Variants in TMEM220 observed in about 807,000 individuals in gnomAD.
TMEM220 encodes transmembrane protein 220.
TMEM220 carries 21 observed loss-of-function variants against 21.7 expected under a neutral mutation model. That is an observed-to-expected ratio of 0.97 (90% CI 0.69 to 1.39). The LOEUF (loss-of-function observed/expected upper bound fraction) is 1.39. Ranked by LOEUF, TMEM220 falls within the 40% of genes most tolerant of loss-of-function variation. The probability of loss-of-function intolerance (pLI) is 0.00; values close to 1 mark genes in which losing one functional copy is unlikely to be tolerated. For synonymous variants in TMEM220, 80 were observed against 73.6 expected (o/e 1.09, Z -0.45); for missense variants, 191 against 201.9 (o/e 0.95, Z 0.33).
chr17:10,718,573 T>G (rs181000885), intron 5 of TMEM220, among the ~76,000 whole-genome samples: 521 of 152,326 alleles, frequency 3.4e-3, no homozygotes, highest in African/African-American at 0.012. Context: ...TGTACTTATG[T>G]CTATATGTTT....
At chr17:10,729,344 A>AC in intron 1 of TMEM220, among the ~76,000 whole-genome samples, 1 of 152,034 alleles carries the variant, frequency 6.6e-6, no homozygotes, top group South Asian at 2.1e-4. Context: ...AGGGCCCTCC[A>AC]CCCCCACCAG....
Position 10,713,888 on chromosome 17 carries a change from A to G in TMEM220, c.*1565T>C, listed in dbSNP as rs1262850040. The G allele has an allele frequency of 6.6e-6, 1 of 152,146 alleles. No homozygotes were observed. Among genetic ancestry groups the G allele is most frequent in the African/African-American group, 2.4e-5 (1 of 41,420 alleles). The allele number at this position is 152,146 out of a possible 1,614,324, so 9.4% of individuals were successfully genotyped here. On this transcript the variant is annotated 3_prime_UTR_variant, in exon 6 of 6. Coordinates refer to ENST00000341871, the MANE Select transcript of TMEM220 (RefSeq NM_001004313.3). Reference sequence around the variant, plus strand: ...TAGACAAACTACCAGACTCATTTACACTCTCCTAACCTGTGGAAGGCACTA... The same window carrying G: ...TAGACAAACTACCAGACTCATTTACGCTCTCCTAACCTGTGGAAGGCACTA...
chr17:10,727,193 T>TA (rs2075058449), intron 2 of TMEM220, among the ~76,000 whole-genome samples: 1 of 151,258 alleles, frequency 6.6e-6, no homozygotes, highest in South Asian at 2.1e-4. Flanking sequence ...TTTTTGGAGA[T>TA]GGGGGGGGTC....
intron 4 of TMEM220, among the ~76,000 whole-genome samples, chr17:10,724,027 T>C (rs2151478144): frequency 6.6e-6 from 1 of 152,306 alleles, no homozygotes; most frequent in South Asian, 2.1e-4. Context: ...ACCCAACCTA[T>C]AGTTTGGCTC....
chr17:10,711,837 C>T (rs182343578), downstream of TMEM220, among the ~76,000 whole-genome samples: 10 of 152,298 alleles, frequency 6.6e-5, no homozygotes, highest in East Asian at 3.9e-4. Flanking sequence ...TGTTTAACAC[C>T]GTTTTCATAT....
intron 5 of TMEM220, among the ~76,000 whole-genome samples, chr17:10,720,193 G>A (rs1423999437): frequency 1.3e-5 from 2 of 152,122 alleles, no homozygotes; most frequent in African/African-American, 4.8e-5. Flanking sequence ...CTTTGACCCA[G>A]TAGTCTCACT....
chr17:10,715,264 A>G lies in TMEM220; in HGVS notation c.*189T>C, dbSNP rs1328264488. The G allele has an allele frequency of 2.1e-6, 1 of 486,360 alleles. No homozygotes were observed. The allele number at this position is 486,360 out of a possible 1,614,324, so 30.1% of individuals were successfully genotyped here. On this transcript the variant is annotated 3_prime_UTR_variant, in exon 6 of 6. Transcript: ENST00000341871. ...CAAGACCCTGCAGAAAGTCGTCTGG[A>G]AAATATCAGACCATCTCTTACTTGT...
intron 5 of TMEM220, among the ~76,000 whole-genome samples, chr17:10,715,840 A>T (rs147382106): frequency 6.6e-6 from 1 of 152,180 alleles, no homozygotes; most frequent in African/African-American, 2.4e-5. Flanking sequence ...TAATTTGACA[A>T]TGTTAAAGTT....
chr17:10,729,542 C>G (rs1448675584), intron 1 of TMEM220, among the ~76,000 whole-genome samples: 4 of 152,220 alleles, frequency 2.6e-5, no homozygotes, highest in African/African-American at 4.8e-5. Flanking sequence ...AAGTTCCACG[C>G]GCGGAACCAG....
At chr17:10,724,132 A>G (rs145878704) in intron 4 of TMEM220, among the ~76,000 whole-genome samples, 1 of 152,342 alleles carries the variant, frequency 6.6e-6, no homozygotes, top group East Asian at 1.9e-4. Flanking sequence ...GGCAGATGGC[A>G]GTAGGAGTAG....
chr17:10,729,733 C>A, intron 1 of TMEM220, 47 bp downstream of exon 1: 1 of 1,309,838 alleles, frequency 7.6e-7, no homozygotes, highest in Non-Finnish European at 9.8e-7. Context: ...GGCCAGGGGG[C>A]GGAGCTGGGA....
chr17:10,720,368 T>C (rs1446920912), intron 5 of TMEM220, among the ~76,000 whole-genome samples: 3 of 152,240 alleles, frequency 2.0e-5, no homozygotes, highest in Admixed American at 2.0e-4. Context: ...GAAAAGTTTT[T>C]CTATACTATA....
At chr17:10,726,476 A>G (rs1487113059) in intron 2 of TMEM220, 3 of 577,862 alleles carry the variant, frequency 5.2e-6, no homozygotes, top group Non-Finnish European at 9.3e-6. Flanking sequence ...TTCCTCCTAG[A>G]CTATAGGCTA....
chr17:10,722,058 C>T (rs1353945090), intron 5 of TMEM220, among the ~76,000 whole-genome samples: 1 of 151,334 alleles, frequency 6.6e-6, no homozygotes, highest in Non-Finnish European at 1.5e-5. Flanking sequence ...AACAGCACTA[C>T]CTCAGCTCAC....
intron 5 of TMEM220, 67 bp from the exon 6 acceptor site, chr17:10,715,655 G>T: frequency 8.1e-7 from 1 of 1,240,268 alleles, no homozygotes; most frequent in Non-Finnish European, 1.1e-6. Flanking sequence ...TATAAAGACT[G>T]AATTGATAAA....
intron 2 of TMEM220, among the ~76,000 whole-genome samples, chr17:10,727,990 GTC>G (rs1349795098): frequency 3.9e-5 from 6 of 152,046 alleles, no homozygotes; most frequent in African/African-American, 9.7e-5. Flanking sequence ...GAGAAACCCT[GTC>G]TCTACTAAAA....
At chr17:10,717,316 T>C (rs897119027) in intron 5 of TMEM220, among the ~76,000 whole-genome samples, 1 of 152,244 alleles carries the variant, frequency 6.6e-6, no homozygotes, top group Non-Finnish European at 1.5e-5. Flanking sequence ...CAGGCTTCAG[T>C]GTAGATATCT....
chr17:10,720,533 T>G (rs2074975116), intron 5 of TMEM220, among the ~76,000 whole-genome samples: 1 of 152,062 alleles, frequency 6.6e-6, no homozygotes, highest in African/African-American at 2.4e-5. Flanking sequence ...CTGAAAAAAT[T>G]TTCCCCCATA....
chr17:10,711,213 CCT>C (rs2074851303), downstream of TMEM220: 8 of 1,261,742 alleles, frequency 6.3e-6, no homozygotes, highest in South Asian at 1.5e-5. Flanking sequence ...AAATAAAAAT[CCT>C]CTGTCTCATT....
Sources: gnomAD v4.1 joint callset for allele counts (sites outside exome capture counted in the v4.1 genomes callset) on GRCh38, gnomAD v4.1.1 for gene constraint, MANE v1.5 for transcripts, NCBI Gene and HGNC (gene_info 2026-07-23, HGNC 2026-07-21) for gene names.